Variants in ADSS2 observed in about 807,000 individuals in gnomAD.
ADSS2 encodes the protein adenylosuccinate synthase 2, also known as adenylosuccinate synthetase isozyme 2.
Under a neutral mutation model 60.0 loss-of-function variants are expected in ADSS2, and 30 were observed. The ratio of observed to expected loss-of-function variants is 0.50; its 90% CI spans 0.37 to 0.68. ADSS2 has a LOEUF of 0.68. ADSS2 is among the 30% of genes least tolerant of loss of function. The pLI, the probability that ADSS2 is intolerant of heterozygous loss-of-function variation, is 0.00. For synonymous variants in ADSS2, 187 were observed against 193.1 expected (o/e 0.97, Z 0.26); for missense variants, 373 against 554.8 (o/e 0.67, Z 3.29).
At chr1:244,445,694 A>C (rs1242282493) in intron 1 of ADSS2, among the ~76,000 whole-genome samples, 1 of 152,156 alleles carries the variant, frequency 6.6e-6, no homozygotes, top group Non-Finnish European at 1.5e-5. Flanking sequence ...ATTAGTTTAC[A>C]AAAGTGACTC....
intron 6 of ADSS2, among the ~76,000 whole-genome samples, chr1:244,423,143 T>C (rs1664713065): frequency 6.6e-6 from 1 of 152,158 alleles, no homozygotes; most frequent in African/African-American, 2.4e-5. Context: ...AGCAACAATA[T>C]AATTAAGGTG....
rs555036743 is a variant in ADSS2, at chr1:244,411,049, G to A, written c.1318+238C>T. Among the ~76,000 whole-genome samples the A allele has an allele frequency of 4.3e-4, 65 of 151,918 alleles. No homozygotes were observed. In the South Asian group the frequency reaches 0.012, roughly 28 times the overall value. On this transcript the variant is annotated intron_variant, in intron 12 of 12. Transcript: ENST00000366535. ...AGCCTGGCCAACATGGTGAAACCCC[G>A]TCTCTTACTAAAAATACAAAAATTA... is the stretch of plus-strand genomic sequence containing the variant.
chr1:244,433,749 A>G (rs1397467103), intron 3 of ADSS2, among the ~76,000 whole-genome samples: 4 of 151,046 alleles, frequency 2.6e-5, no homozygotes, highest in African/African-American at 9.7e-5. Context: ...AATCCCAGCT[A>G]CTCGGGAGGC....
chr1:244,417,299 A>G (rs1301494411), intron 10 of ADSS2, among the ~76,000 whole-genome samples: 2 of 152,152 alleles, frequency 1.3e-5, no homozygotes, highest in African/African-American at 4.8e-5. Flanking sequence ...CACTAGGTAC[A>G]TCGCCTCCCG....
chr1:244,434,284 A>G (rs897779725), intron 3 of ADSS2, among the ~76,000 whole-genome samples: 1 of 152,002 alleles, frequency 6.6e-6, no homozygotes, highest in African/African-American at 2.4e-5. Context: ...TGAGCCCAGA[A>G]GGTAGAGGCT....
intron 9 of ADSS2, among the ~76,000 whole-genome samples, chr1:244,418,023 A>G (rs1572130959): frequency 6.6e-6 from 1 of 152,224 alleles, no homozygotes; most frequent in African/African-American, 2.4e-5. Context: ...GATTAAGAAA[A>G]AAAAGTATTT....
At chr1:244,420,898 C>T (rs1463083453) in intron 7 of ADSS2, among the ~76,000 whole-genome samples, 1 of 151,796 alleles carries the variant, frequency 6.6e-6, no homozygotes, top group Non-Finnish European at 1.5e-5. Flanking sequence ...AGGTGAGTTG[C>T]CCAGGTTGCC....
At chr1:244,415,552 C>T (rs3127455) in intron 11 of ADSS2, among the ~76,000 whole-genome samples, 25,756 of 152,092 alleles carry the variant, frequency 0.17, 2,454 homozygotes, top group South Asian at 0.33. Flanking sequence ...GAATAAAGAG[C>T]AGAGAAAGTC....
chr1:244,449,127 A>C (rs1665469591), intron 1 of ADSS2, among the ~76,000 whole-genome samples: 3 of 152,234 alleles, frequency 2.0e-5, no homozygotes, highest in Admixed American at 2.0e-4. Context: ...GAATCTGAAC[A>C]ACACAGGCCT....
rs758856248 is a variant in ADSS2, at chr1:244,451,577, G to A, written c.183+58C>T. The A allele has an allele frequency of 1.2e-3, 1,862 of 1,529,888 alleles. 1 individual carries two copies. The highest frequency in any genetic ancestry group is 1.5e-3 in the Non-Finnish European group (1,713 of 1,139,442). The allele number at this position is 1,529,888 out of a possible 1,614,324, so 94.8% of individuals were successfully genotyped here. A position where few individuals can be genotyped will look rare whatever the true frequency, so the allele number is the denominator to read the frequency against. ...CTGGGTCCGAGTTCCCGGGCACCAG[G>A]AGCCAGGCAGCCCGAGCTCCCGGGC... is the stretch of plus-strand genomic sequence containing the variant. On this transcript the variant is annotated intron_variant, in intron 1 of 12. Coordinates refer to ENST00000366535, the MANE Select transcript of ADSS2 (RefSeq NM_001126.5). This position sits in a 1 kb window ranked among gnomAD's most constrained non-coding sequence, Gnocchi z 6.6.
chr1:244,442,415 T>C (rs998349538), intron 1 of ADSS2, among the ~76,000 whole-genome samples: 18 of 152,204 alleles, frequency 1.2e-4, no homozygotes, highest in African/African-American at 4.3e-4. Context: ...AGTTTGCTCA[T>C]TCAAATATTA....
chr1:244,440,597 A>G (rs1243113004), intron 1 of ADSS2, among the ~76,000 whole-genome samples: 1 of 152,214 alleles, frequency 6.6e-6, no homozygotes, highest in Non-Finnish European at 1.5e-5. Flanking sequence ...ATTCCCGCAT[A>G]TGATACAGAC....
intron 3 of ADSS2, among the ~76,000 whole-genome samples, chr1:244,434,695 T>C (rs912415592): frequency 7.2e-5 from 11 of 151,958 alleles, no homozygotes; most frequent in African/African-American, 2.7e-4. Context: ...CAGGGTTGGA[T>C]AGGCTAGAAG....
intron 3 of ADSS2, among the ~76,000 whole-genome samples, chr1:244,435,190 A>AAAAAAC (rs1665062413): frequency 6.9e-6 from 1 of 145,736 alleles, no homozygotes; most frequent in African/African-American, 2.6e-5. Flanking sequence ...AAAAAAAAAA[A>AAAAAAC]AAAAAAACAA....
At position 244,441,572 on chromosome 1, in the gene ADSS2, G is replaced by A. The variant is rs191305149; in HGVS notation, c.184-3804C>T. Among the ~76,000 whole-genome samples, 6 of 152,132 alleles carry A rather than the reference G, an allele frequency of 3.9e-5. No homozygotes were observed. The South Asian group carries it at 1.0e-3, about 26-fold the overall frequency. On this transcript the variant is annotated intron_variant, in intron 1 of 12. Transcript: ENST00000366535. Reference sequence around the variant, plus strand: ...GCCCAAGCAGGCCTTGAATTCCTGGGCTCAAGCGATCCTCCTGTCTCAGCC... The same window carrying A: ...GCCCAAGCAGGCCTTGAATTCCTGGACTCAAGCGATCCTCCTGTCTCAGCC...
chr1:244,424,150 A>T, intron 5 of ADSS2, 90 bp from the exon 6 acceptor site: 4 of 1,223,468 alleles, frequency 3.3e-6, no homozygotes. Flanking sequence ...GTTACATATG[A>T]CTATTTTCTG....
intron 1 of ADSS2, among the ~76,000 whole-genome samples, chr1:244,447,578 G>A (rs889641450): frequency 6.6e-6 from 1 of 152,098 alleles, no homozygotes; most frequent in Non-Finnish European, 1.5e-5. Context: ...GTATTCAGTC[G>A]AAATATGTTG....
At chr1:244,452,052 C>G (rs1373171905), upstream of ADSS2, 1 of 370,694 alleles carries the variant, frequency 2.7e-6, no homozygotes, top group Non-Finnish European at 4.8e-6. Flanking sequence ...GCACCGCCCG[C>G]AGGAAGAGGC....
At chr1:244,420,055 A>G (rs1664640036) in intron 8 of ADSS2, 115 bp downstream of exon 8, 1 of 1,110,666 alleles carries the variant, frequency 9.0e-7, no homozygotes, top group Admixed American at 2.4e-5. Context: ...TCATTCCTGA[A>G]TATACAAGCT....
Sources: allele counts gnomAD v4.1 joint callset (sites outside exome capture counted in the v4.1 genomes callset), GRCh38; gene constraint gnomAD v4.1.1; non-coding constraint Gnocchi (gnomAD v3.1); transcripts MANE v1.5; gene names NCBI Gene and HGNC (gene_info 2026-07-23, HGNC 2026-07-21).